The following ZW10 variants were observed in gnomAD, a reference collection of about 807,000 sequenced individuals.
ZW10 encodes the protein centromere/kinetochore protein zw10 homolog.
ZW10 carries 53 observed loss-of-function variants against 87.8 expected under a neutral mutation model. That is an observed-to-expected ratio of 0.60 (90% CI 0.48 to 0.76). The LOEUF (loss-of-function observed/expected upper bound fraction) is 0.76, where lower values mean the gene tolerates loss of function less well. Ranked by LOEUF, ZW10 falls within the 30% of genes least tolerant of loss-of-function variation. The probability of loss-of-function intolerance (pLI) is 0.00; values close to 1 mark genes in which losing one functional copy is unlikely to be tolerated. For missense variants in ZW10, 837 were observed against 923.0 expected, an observed-to-expected ratio of 0.91 and a Z score of 1.21; for synonymous variants, 312 against 329.2, an observed-to-expected ratio of 0.95 and a Z score of 0.57.
chr11:113,747,588 C>A lies in ZW10; in HGVS notation c.1215G>T (p.Gln405His), dbSNP rs749887183. 1 of 1,613,670 alleles carries A rather than the reference C, an allele frequency of 6.2e-7. No individual in the cohort carries two copies. The highest frequency in any genetic ancestry group is 2.2e-5 in the East Asian group (1 of 44,844). The change falls in exon 9 of 16, where the codon CAG (glutamine) becomes CAT (histidine). Residue 405 changes from glutamine (Q) to histidine (H), a missense_variant. Physicochemically the swap from Gln to His is conservative, Grantham distance 24. Coordinates refer to ENST00000200135, the MANE Select transcript of ZW10 (RefSeq NM_004724.4). ...GATTTCTGGCTGCCACAATCACATC[C>A]TGGCACTTTTTGTTTGCAAAATGAG... ...INSHFANKKC[Q>H]DVIVAARNLM...
intron 2 of ZW10, among the ~76,000 whole-genome samples, chr11:113,762,424 C>T (rs987656528): frequency 4.6e-5 from 7 of 152,128 alleles, no homozygotes; most frequent in African/African-American, 1.7e-4. Context: ...TTTATAAACA[C>T]TATACATTTA....
At chr11:113,769,008 G>A in intron 1 of ZW10, 41 bp from the exon 2 acceptor site, 2 of 1,593,090 alleles carry the variant, frequency 1.3e-6, no homozygotes, top group South Asian at 1.1e-5. Flanking sequence ...ACAGTGAAAT[G>A]AGTAGAGAAC....
rs773348729 is a variant in ZW10, at chr11:113,773,572, T to C, written c.95A>G (p.Glu32Gly). Residue 32 changes from glutamate to glycine, a missense_variant, in exon 1 of 16, where the codon GAG becomes GGG. Coordinates refer to ENST00000200135, the MANE Select transcript of ZW10 (RefSeq NM_004724.4). ...TRISRLTRRV[E>G]EIKGEVCNMI... ...CTGCCCCGCTCTCACCTTGATCTCC[T>C]CCACCCGCCGGGTCAGGCGGCTGAT... 1 of 1,613,164 alleles carries C rather than the reference T, an allele frequency of 6.2e-7. No homozygotes were observed. Among genetic ancestry groups the C allele is most frequent in the Non-Finnish European group, 8.5e-7 (1 of 1,179,900 alleles).
rs1360031004 is a variant in ZW10, at chr11:113,747,520, A to AACACTGGT, written c.1272+3_1272+10dup. 1 of 1,607,980 alleles carries AACACTGGT rather than the reference A, an allele frequency of 6.2e-7. No homozygotes were observed. Among genetic ancestry groups the AACACTGGT allele is most frequent in the Non-Finnish European group, 8.5e-7 (1 of 1,176,096 alleles). On this transcript the variant is annotated intron_variant, in intron 9 of 15. Transcript: ENST00000200135. The stretch of plus-strand genomic sequence containing the variant: ...CAATGTTTCATATACAATGCAATAT[A>AACACTGGT]ACACTGGTACCTTCACAGTGTTATG...
chr11:113,742,031 T>C (rs916154245), intron 10 of ZW10, among the ~76,000 whole-genome samples: 1 of 152,360 alleles, frequency 6.6e-6, no homozygotes, highest in Non-Finnish European at 1.5e-5. Context: ...TCTTTTCTAT[T>C]TATCAATTTC....
At chr11:113,754,797 T>C (rs964359713) in intron 7 of ZW10, among the ~76,000 whole-genome samples, 2 of 152,010 alleles carry the variant, frequency 1.3e-5, no homozygotes, top group Non-Finnish European at 2.9e-5. Context: ...ATCGCTATGT[T>C]ACCCAGGCCA....
intron 3 of ZW10, 102 bp from the exon 4 acceptor site, chr11:113,760,692 A>T (rs201732564): frequency 1.9e-5 from 5 of 256,850 alleles, no homozygotes; most frequent in Non-Finnish European, 3.0e-5. Flanking sequence ...TCCCCCCTCT[A>T]AAAAAAAAAA....
intron 15 of ZW10, 133 bp from the exon 16 acceptor site, chr11:113,733,947 C>T: frequency 1.8e-6 from 2 of 1,109,922 alleles, no homozygotes; most frequent in Middle Eastern, 2.8e-4. Flanking sequence ...CATCTTTCCT[C>T]TTCTTTATAG....
intron 5 of ZW10, 133 bp from the exon 6 acceptor site, chr11:113,758,839 AT>A (rs1468360099): frequency 2.4e-6 from 2 of 824,728 alleles, no homozygotes; most frequent in Non-Finnish European, 3.8e-6. Flanking sequence ...CCAAATATGA[AT>A]TATGACATAC....
intron 1 of ZW10, chr11:113,769,871 A>C (rs975018699): frequency 3.0e-6 from 1 of 334,004 alleles, no homozygotes; most frequent in African/African-American, 2.3e-5. Context: ...CAGAAAGCTG[A>C]TGATGTGCCC....
intron 7 of ZW10, among the ~76,000 whole-genome samples, chr11:113,749,621 C>T (rs1367358922): frequency 6.6e-6 from 1 of 152,152 alleles, no homozygotes; most frequent in East Asian, 1.9e-4. Context: ...CTATACTGCA[C>T]TATATATTAC....
intron 7 of ZW10, among the ~76,000 whole-genome samples, chr11:113,751,616 C>A (rs960066875): frequency 2.0e-5 from 3 of 152,234 alleles, no homozygotes; most frequent in African/African-American, 7.2e-5. Context: ...TGGCTCACGC[C>A]TGTAATCCCC....
chr11:113,772,270 C>T (rs1157449555), intron 1 of ZW10, among the ~76,000 whole-genome samples: 1 of 152,160 alleles, frequency 6.6e-6, no homozygotes, highest in East Asian at 1.9e-4. Context: ...GAGCTAGGGT[C>T]GCTTGCCATG....
chr11:113,766,831 A>G (rs1037010515), intron 2 of ZW10, among the ~76,000 whole-genome samples: 1 of 151,600 alleles, frequency 6.6e-6, no homozygotes, highest in Non-Finnish European at 1.5e-5. Flanking sequence ...AGTCTGGCCA[A>G]CATGGTGAAA....
At chr11:113,744,178 G>C in intron 9 of ZW10, 138 bp from the exon 10 acceptor site, 2 of 661,550 alleles carry the variant, frequency 3.0e-6, no homozygotes, top group Non-Finnish European at 5.1e-6. Context: ...ACGAGGTCAG[G>C]AGATCGAGAC....
chr11:113,744,030 T>C lies in ZW10; in HGVS notation c.1283A>G (p.Asp428Gly). 1 of 1,606,776 alleles carries C rather than the reference T, an allele frequency of 6.2e-7. No individual in the cohort carries two copies. Among genetic ancestry groups the C allele is most frequent in the Non-Finnish European group, 8.5e-7 (1 of 1,174,040 alleles). ...EIHNTVKIIP[D>G]SKINVPELPT... ...TAACTCTGGCACATTTATCTTAGAA[T>C]CAGGAATAATCTAAGATTCAAACAC... is the stretch of plus-strand genomic sequence containing the variant. The change falls in exon 10 of 16, where the codon GAT becomes GGT. Residue 428 changes from aspartate (D) to glycine (G), a missense_variant. Transcript: ENST00000200135.
intron 11 of ZW10, among the ~76,000 whole-genome samples, chr11:113,741,378 A>G (rs1045751362): frequency 1.3e-5 from 2 of 152,226 alleles, no homozygotes; most frequent in Non-Finnish European, 2.9e-5. Flanking sequence ...TTTTAATTCA[A>G]ATAAAGAAAA....
intron 14 of ZW10, among the ~76,000 whole-genome samples, chr11:113,737,359 T>C (rs1278704461): frequency 6.6e-6 from 1 of 151,816 alleles, no homozygotes; most frequent in Non-Finnish European, 1.5e-5. Flanking sequence ...ATAATCTAGA[T>C]GGTAGGCTGA....
chr11:113,766,747 T>A (rs1291459593), intron 2 of ZW10, among the ~76,000 whole-genome samples: 1 of 143,878 alleles, frequency 7.0e-6, no homozygotes, highest in African/African-American at 2.6e-5. Flanking sequence ...CTGGGTATAG[T>A]GGCTCACGCC....
Sources: gnomAD v4.1 joint callset for allele counts (sites outside exome capture counted in the v4.1 genomes callset) on GRCh38, gnomAD v4.1.1 for gene constraint, MANE v1.5 for transcripts, NCBI Gene and HGNC (gene_info 2026-07-23, HGNC 2026-07-21) for gene names.